ADGRL3: variants seen among roughly 807,000 people sequenced by gnomAD.
ADGRL3 encodes calcium-independent alpha-latrotoxin receptor 3.
A neutral mutation model predicts 153.5 loss-of-function variants in ADGRL3; 62 were observed. The observed-to-expected ratio is 0.40, with a 90% CI of 0.33 to 0.50. ADGRL3 has a LOEUF of 0.50. Among genes scored for constraint, ADGRL3 ranks in the 20% least tolerant of loss-of-function variants. The pLI is 0.47. For missense variants in ADGRL3, 1,641 were observed against 1,859.4 expected (o/e 0.88, Z 2.16); for synonymous variants, 710 against 672.5 (o/e 1.06, Z -0.86).
intron 1 of ADGRL3, among the ~76,000 whole-genome samples, chr4:61,253,691 C>CCACACACACACA (rs143396564): frequency 0.11 from 15,944 of 140,246 alleles, 979 homozygotes; most frequent in East Asian, 0.25. Flanking sequence ...ATGTTCAGTT[C>CCACACACACACA]CACACACACA....
At chr4:61,333,166 G>C (rs889455729) in intron 1 of ADGRL3, among the ~76,000 whole-genome samples, 12 of 148,502 alleles carry the variant, frequency 8.1e-5, no homozygotes, top group African/African-American at 1.5e-4. Context: ...TCTTTGTAAA[G>C]TAAATGAAAA....
intron 1 of ADGRL3, among the ~76,000 whole-genome samples, chr4:61,206,985 AAAATAAAT>A (rs575017393): frequency 2.0e-5 from 3 of 150,920 alleles, no homozygotes; most frequent in African/African-American, 7.4e-5. Context: ...TGTGTCTCAA[AAAATAAAT>A]AAATAAATAA....
intron 1 of ADGRL3, among the ~76,000 whole-genome samples, chr4:61,253,564 T>A (rs1577987399): frequency 6.6e-6 from 1 of 152,202 alleles, no homozygotes; most frequent in South Asian, 2.1e-4. Context: ...CCAGGGAATA[T>A]ACTGTGTTGC....
At chr4:61,891,167 TTGA>T (rs1485680395) in intron 9 of ADGRL3, among the ~76,000 whole-genome samples, 3 of 151,934 alleles carry the variant, frequency 2.0e-5, no homozygotes, top group East Asian at 1.9e-4. Context: ...TTAACAAATG[TTGA>T]TGATGGGGAG....
chr4:61,278,661 G>A (rs1379913282), intron 1 of ADGRL3, among the ~76,000 whole-genome samples: 1 of 151,896 alleles, frequency 6.6e-6, no homozygotes, highest in Admixed American at 6.6e-5. Context: ...GCACCATCAT[G>A]CCCACTAATT....
At chr4:61,787,664 T>C (rs1394624980) in intron 8 of ADGRL3, among the ~76,000 whole-genome samples, 1 of 152,090 alleles carries the variant, frequency 6.6e-6, no homozygotes, top group African/African-American at 2.4e-5. Flanking sequence ...TATTCTCTTC[T>C]TTTTTGTTTA....
intron 8 of ADGRL3, among the ~76,000 whole-genome samples, chr4:61,758,977 T>G (rs1211011640): frequency 1.3e-5 from 2 of 152,166 alleles, no homozygotes; most frequent in Non-Finnish European, 2.9e-5. Flanking sequence ...GGGTTGAAAA[T>G]TCTTTTCTTT....
chr4:61,377,183 G>A lies in ADGRL3; in HGVS notation c.-239-5941G>A, dbSNP rs115743405. Among the ~76,000 whole-genome samples, 829 of 151,992 alleles carry A rather than the reference G, an allele frequency of 5.5e-3. 8 individuals carry two copies. Among genetic ancestry groups the A allele is most frequent in the African/African-American group, 0.019 (787 of 41,446 alleles). On this transcript the variant is annotated intron_variant, in intron 1 of 26. Coordinates refer to ENST00000683033, the MANE Select transcript of ADGRL3 (RefSeq NM_001387552.1). The stretch of plus-strand genomic sequence containing the variant: ...GTAGGGAATGGTACGGAATGGTATA[G>A]TATCATATCCTAGCCCATCCTCCTA...
At chr4:61,578,498 G>A (rs2098905100) in intron 4 of ADGRL3, among the ~76,000 whole-genome samples, 1 of 151,860 alleles carries the variant, frequency 6.6e-6, no homozygotes, top group Admixed American at 6.6e-5. Flanking sequence ...TAATTTTTAA[G>A]ATTAATTTGA....
At chr4:61,585,799 G>T (rs1371456746) in intron 4 of ADGRL3, among the ~76,000 whole-genome samples, 1 of 151,918 alleles carries the variant, frequency 6.6e-6, no homozygotes, top group Non-Finnish European at 1.5e-5. Flanking sequence ...AAACTTGACA[G>T]GAAAAGGCAG....
intron 6 of ADGRL3, among the ~76,000 whole-genome samples, chr4:61,710,484 A>G (rs1483976830): frequency 1.3e-5 from 2 of 152,210 alleles, no homozygotes; most frequent in Non-Finnish European, 2.9e-5. Flanking sequence ...TACCTGAATA[A>G]TGGATCCACA....
At chr4:61,751,590 G>A (rs929114713) in intron 8 of ADGRL3, among the ~76,000 whole-genome samples, 3 of 152,086 alleles carry the variant, frequency 2.0e-5, no homozygotes, top group Non-Finnish European at 2.9e-5. Flanking sequence ...TGTGGATTGC[G>A]GTATGTGTGT....
At position 61,506,609 on chromosome 4, in the gene ADGRL3, T is replaced by C. The variant is rs1345456156; in HGVS notation, c.55+9261T>C. ...GCAATTCTGTCACTTTTAATTAGAC[T>C]CTAAGCCCAATAAAATAACCTGTCA... On this transcript the variant is annotated intron_variant, in intron 3 of 26. Transcript: ENST00000683033. 3.9e-5 allele frequency among the ~76,000 whole-genome samples: 6 copies of C among 152,258 alleles called. No homozygotes were observed. The East Asian group carries it at 1.2e-3, about 29-fold the overall frequency.
chr4:61,735,867 T>G (rs2096502588), intron 8 of ADGRL3, among the ~76,000 whole-genome samples: 1 of 152,122 alleles, frequency 6.6e-6, no homozygotes, highest in Admixed American at 6.6e-5. Context: ...TTTATTAAGT[T>G]GTCTTTAACG....
intron 9 of ADGRL3, among the ~76,000 whole-genome samples, chr4:61,848,295 A>G (rs1403782316): frequency 6.7e-6 from 1 of 150,352 alleles, no homozygotes; most frequent in African/African-American, 2.5e-5. Context: ...AAAGTCCAAA[A>G]TCACAGCATT....
chr4:61,497,383 G>C (rs1257277695), intron 3 of ADGRL3, 35 bp downstream of exon 3: 1 of 1,416,392 alleles, frequency 7.1e-7, no homozygotes, highest in African/African-American at 1.4e-5. Context: ...AATGCTTAAT[G>C]TTGTCTCACT....
At chr4:62,016,331 G>A (rs978821394) in intron 21 of ADGRL3, among the ~76,000 whole-genome samples, 9 of 152,232 alleles carry the variant, frequency 5.9e-5, no homozygotes, top group African/African-American at 1.9e-4. Flanking sequence ...ACAGGCATAA[G>A]CCACCACGCC....
rs538269028 is a variant in ADGRL3 at position 61,680,381 on chromosome 4, C to CT, written c.583+3454dup. On this transcript the variant is annotated intron_variant, in intron 6 of 26. Coordinates refer to ENST00000683033, the MANE Select transcript of ADGRL3 (RefSeq NM_001387552.1). ...TCTTAATATTGATGTGTAGAAGAAACTTTTTTTTAAATTTATACATACTCG... is the reference window on the plus strand; with the variant it reads ...TCTTAATATTGATGTGTAGAAGAAACTTTTTTTTTAAATTTATACATACTCG... 1.4e-3 allele frequency among the ~76,000 whole-genome samples: 202 copies of CT among 147,456 alleles called. 3 individuals are homozygous for CT. The highest frequency in any genetic ancestry group is 4.8e-3 in the African/African-American group (189 of 39,430).
intron 9 of ADGRL3, among the ~76,000 whole-genome samples, chr4:61,881,586 C>T (rs982658611): frequency 6.6e-6 from 1 of 152,192 alleles, no homozygotes; most frequent in African/African-American, 2.4e-5. Flanking sequence ...CCATGTTGGC[C>T]AGGCTGGTCT....
Sources: allele counts gnomAD v4.1 joint callset (sites outside exome capture counted in the v4.1 genomes callset), GRCh38; gene constraint gnomAD v4.1.1; transcripts MANE v1.5; gene names NCBI Gene and HGNC (gene_info 2026-07-23, HGNC 2026-07-21).